Variants in LHFPL3 observed in about 807,000 individuals in gnomAD.
LHFPL3 encodes LHFPL tetraspan subfamily member 3 protein.
LHFPL3 carries 5 observed loss-of-function variants against 19.3 expected under a neutral mutation model. That is an observed-to-expected ratio of 0.26 (90% CI 0.14 to 0.54). The LOEUF is 0.54. Among genes scored for constraint, LHFPL3 ranks in the 20% least tolerant of loss-of-function variants. The pLI, the probability that LHFPL3 is intolerant of heterozygous loss-of-function variation, is 0.94. For missense variants in LHFPL3, 249 were observed against 307.4 expected, an observed-to-expected ratio of 0.81 and a Z score of 1.42; for synonymous variants, 133 against 126.2, an observed-to-expected ratio of 1.05 and a Z score of -0.36.
intron 1 of LHFPL3, among the ~76,000 whole-genome samples, chr7:104,456,200 G>A (rs1342731209): frequency 6.6e-6 from 1 of 152,070 alleles, no homozygotes; most frequent in Non-Finnish European, 1.5e-5. Flanking sequence ...ACAGTGTGAT[G>A]CTTTATGATT....
chr7:104,365,013 G>T (rs776988823), intron 1 of LHFPL3, among the ~76,000 whole-genome samples: 1 of 152,108 alleles, frequency 6.6e-6, no homozygotes, highest in African/African-American at 2.4e-5. Context: ...AAAGAGATGG[G>T]AGCAGGCTGG....
At chr7:104,605,699 A>G (rs1791082369) in intron 1 of LHFPL3, among the ~76,000 whole-genome samples, 1 of 152,188 alleles carries the variant, frequency 6.6e-6, no homozygotes, top group Admixed American at 6.5e-5. Context: ...ATAACCCTCA[A>G]ATCATATTTT....
At chr7:104,661,663 G>T (rs1227951422) in intron 1 of LHFPL3, among the ~76,000 whole-genome samples, 2 of 152,128 alleles carry the variant, frequency 1.3e-5, no homozygotes, top group African/African-American at 4.8e-5. Flanking sequence ...ACCCCCAAAG[G>T]TTGCCTGAAG....
chr7:104,430,565 T>A (rs1791982936), intron 1 of LHFPL3, among the ~76,000 whole-genome samples: 1 of 141,176 alleles, frequency 7.1e-6, no homozygotes, highest in Non-Finnish European at 1.5e-5. Flanking sequence ...GCCTGCCAGG[T>A]TCATGCCATT....
At chr7:104,644,275 G>T (rs1791888778) in intron 1 of LHFPL3, among the ~76,000 whole-genome samples, 1 of 152,098 alleles carries the variant, frequency 6.6e-6, no homozygotes, top group Admixed American at 6.5e-5. Context: ...AAAACCTCAT[G>T]CCCCCCTCCA....
intron 2 of LHFPL3, among the ~76,000 whole-genome samples, chr7:104,779,347 C>G (rs1394283791): frequency 3.9e-5 from 6 of 152,188 alleles, no homozygotes; most frequent in African/African-American, 1.4e-4. Flanking sequence ...CTTCAAGCTC[C>G]TGAGGGCAGG....
intron 1 of LHFPL3, among the ~76,000 whole-genome samples, chr7:104,725,126 T>C (rs1404429493): frequency 1.3e-5 from 2 of 152,252 alleles, no homozygotes; most frequent in Non-Finnish European, 2.9e-5. Context: ...CAGGGAACAA[T>C]GGCTTGCCAT....
intron 1 of LHFPL3, among the ~76,000 whole-genome samples, chr7:104,728,584 G>A (rs1793631839): frequency 6.6e-6 from 1 of 151,934 alleles, no homozygotes; most frequent in Non-Finnish European, 1.5e-5. Flanking sequence ...GTCTATTTTT[G>A]GCCTTAGCTT....
Position 104,393,398 on chromosome 7 carries a change from T to G in LHFPL3, c.445+64174T>G, listed in dbSNP as rs529890291. Among the ~76,000 whole-genome samples the G allele has an allele frequency of 5.3e-5, 8 of 150,942 alleles. No homozygotes were observed. In the South Asian group the frequency reaches 1.7e-3, roughly 32 times the overall value. On this transcript the variant is annotated intron_variant, in intron 1 of 2. Coordinates refer to ENST00000424859, the MANE Select transcript of LHFPL3 (RefSeq NM_199000.3). ...AATAACCACAAAGTAAAAAAAAAAA[T>G]TATGTTCATCAATGAATAATGAATA... is the stretch of plus-strand genomic sequence containing the variant.
chr7:104,701,296 A>G (rs1401667613), intron 1 of LHFPL3, among the ~76,000 whole-genome samples: 4 of 152,116 alleles, frequency 2.6e-5, no homozygotes, highest in Non-Finnish European at 4.4e-5. Flanking sequence ...TGAACAATGC[A>G]GGGATTAAGG....
chr7:104,664,168 C>T (rs1562960866), intron 1 of LHFPL3, among the ~76,000 whole-genome samples: 1 of 152,126 alleles, frequency 6.6e-6, no homozygotes, highest in African/African-American at 2.4e-5. Context: ...ATTTTGTCCA[C>T]TAGAGCTAGA....
intron 1 of LHFPL3, among the ~76,000 whole-genome samples, chr7:104,705,540 G>A (rs1197839877): frequency 2.0e-5 from 3 of 152,134 alleles, no homozygotes; most frequent in Admixed American, 1.3e-4. Context: ...TCTATGAGTA[G>A]GAGTCCCCAG....
rs531758650 is a variant in LHFPL3, at chr7:104,536,038, CCT to C, written c.446-200636_446-200635del. ...CCACGGGAGGAAGCCGCATTTTCTC[CCT>C]GTGACCCATGCCCTCCACACCTGCA... is the stretch of plus-strand genomic sequence containing the variant. On this transcript the variant is annotated intron_variant, in intron 1 of 2. Transcript: ENST00000424859. Among the ~76,000 whole-genome samples the C allele has an allele frequency of 1.1e-4, 17 of 152,334 alleles. No individual in the cohort carries two copies. The South Asian group carries it at 3.5e-3, about 32-fold the overall frequency.
intron 1 of LHFPL3, among the ~76,000 whole-genome samples, chr7:104,424,374 C>T (rs972976231): frequency 1.3e-5 from 2 of 152,034 alleles, no homozygotes; most frequent in Non-Finnish European, 2.9e-5. Context: ...GGCCTTCCAC[C>T]GAGGTACAGA....
intron 2 of LHFPL3, 137 bp downstream of exon 2, chr7:104,737,048 G>A (rs1793839951): frequency 3.1e-6 from 2 of 640,026 alleles, no homozygotes; most frequent in Non-Finnish European, 5.4e-6. Context: ...GTAGCTTGCA[G>A]ACTTTACCCC....
intron 2 of LHFPL3, among the ~76,000 whole-genome samples, chr7:104,849,463 C>T (rs564827202): frequency 2.6e-5 from 4 of 152,326 alleles, no homozygotes; most frequent in Admixed American, 1.3e-4. Flanking sequence ...GGCTGGGTGG[C>T]CCTGCACTGT....
intron 1 of LHFPL3, among the ~76,000 whole-genome samples, chr7:104,666,039 T>C (rs943987165): frequency 6.6e-6 from 1 of 152,234 alleles, no homozygotes; most frequent in African/African-American, 2.4e-5. Context: ...ATTTTTTAAA[T>C]ATTTATTAAT....
At chr7:104,641,962 G>A (rs566462660) in intron 1 of LHFPL3, among the ~76,000 whole-genome samples, 2 of 151,210 alleles carry the variant, frequency 1.3e-5, no homozygotes, top group African/African-American at 4.9e-5. Context: ...CATAAGTGAT[G>A]AAAAGCAACC....
chr7:104,593,903 C>T (rs972445256), intron 1 of LHFPL3, among the ~76,000 whole-genome samples: 16 of 152,106 alleles, frequency 1.1e-4, no homozygotes, highest in South Asian at 2.1e-4. Flanking sequence ...CTTGGTAGAT[C>T]GTCCTCCATC....
Sources: gnomAD v4.1 joint callset for allele counts (sites outside exome capture counted in the v4.1 genomes callset) on GRCh38, gnomAD v4.1.1 for gene constraint, MANE v1.5 for transcripts, NCBI Gene and HGNC (gene_info 2026-07-23, HGNC 2026-07-21) for gene names.